The following FER1L6 variants were observed in gnomAD, a reference collection of about 807,000 sequenced individuals.
FER1L6 encodes the protein fer-1-like protein 6.
Under a neutral mutation model 219.2 loss-of-function variants are expected in FER1L6, and 177 were observed. The ratio of observed to expected loss-of-function variants is 0.81; its 90% confidence interval spans 0.71 to 0.91. FER1L6 has a LOEUF of 0.91. Ranked by LOEUF, FER1L6 falls within the 40% of genes least tolerant of loss-of-function variation. The pLI is 0.00. For missense variants in FER1L6, 2,153 were observed against 2,259.9 expected (o/e 0.95, Z 0.96); for synonymous variants, 768 against 824.3 (o/e 0.93, Z 1.17).
At position 124,094,978 on chromosome 8, in the gene FER1L6, G is replaced by T; in HGVS notation, c.4635G>T (p.Leu1545=). 1.2e-6 allele frequency: 2 copies of T among 1,614,076 alleles called. No homozygotes were observed. Among genetic ancestry groups the T allele is most frequent in the Non-Finnish European group, 1.7e-6 (2 of 1,179,978 alleles). ...WEDIPEVGCR[L]VPEHIETRPL... is the part of the protein sequence containing the mutation. ...ATATCCCGGAAGTCGGGTGTAGGCT[G>T]GTTCCTGAACACATAGAAACTCGGC... The change falls in exon 35 of 41, where the codon CTG becomes CTT. Residue 1545 remains leucine, a synonymous_variant. Transcript: ENST00000522917.
chr8:124,011,535 G>A (rs750195452), intron 14 of FER1L6, among the ~76,000 whole-genome samples: 2 of 151,700 alleles, frequency 1.3e-5, no homozygotes, highest in African/African-American at 2.4e-5. Flanking sequence ...ATATTTTGTA[G>A]AGATAGAGTC....
At position 124,097,500 on chromosome 8, in the gene FER1L6, G is replaced by A. The variant is rs919237817; in HGVS notation, c.4784+141G>A. 3.1e-5 allele frequency: 20 copies of A among 642,322 alleles called. No homozygotes were observed. In the African/African-American group the frequency reaches 3.5e-4, roughly 11 times the overall value. 39.8% of individuals were successfully genotyped at this position (642,322 alleles called of 1,614,324 possible). A position where few individuals can be genotyped will look rare whatever the true frequency, so the allele number is the denominator to read the frequency against. ...CCGGCCAGTTTTTCAGGAGCTGGTG[G>A]TGGCCCCTGTCTTAAGGGAGGGGCT... On this transcript the variant is annotated intron_variant, in intron 36 of 40. Coordinates refer to ENST00000522917, the MANE Select transcript of FER1L6 (RefSeq NM_001039112.2).
At chr8:123,948,639 G>A (rs1198582557) in intron 1 of FER1L6, among the ~76,000 whole-genome samples, 1 of 152,012 alleles carries the variant, frequency 6.6e-6, no homozygotes, top group Non-Finnish European at 1.5e-5. Context: ...GTATAAAGAG[G>A]TACAACTGAC....
chr8:123,875,285 A>G (rs1357981429), intron 1 of FER1L6, among the ~76,000 whole-genome samples: 2 of 152,154 alleles, frequency 1.3e-5, no homozygotes, highest in African/African-American at 4.8e-5. Flanking sequence ...TCTTGAATCA[A>G]CTCTGCTGAA....
chr8:123,922,554 G>C (rs921221957), intron 1 of FER1L6, among the ~76,000 whole-genome samples: 12 of 152,122 alleles, frequency 7.9e-5, no homozygotes, highest in Non-Finnish European at 1.6e-4. Flanking sequence ...GTGTGTGCCA[G>C]GGACTCAGAG....
chr8:124,067,035 C>T (rs1166688313), intron 27 of FER1L6, among the ~76,000 whole-genome samples: 1 of 152,096 alleles, frequency 6.6e-6, no homozygotes, highest in African/African-American at 2.4e-5. Flanking sequence ...AAGAGCAGGG[C>T]CTCATGTCCA....
chr8:123,900,969 T>G (rs186577741), intron 1 of FER1L6, among the ~76,000 whole-genome samples: 1 of 152,342 alleles, frequency 6.6e-6, no homozygotes, highest in East Asian at 1.9e-4. Flanking sequence ...TCTTCTCTTT[T>G]GGTTATGTCC....
In FER1L6 at chr8:123,980,457, C is replaced by T. The variant is rs1816272770; in HGVS notation, c.1064-8C>T. The T allele has an allele frequency of 6.4e-7, 1 of 1,573,270 alleles. No individual in the cohort carries two copies. The highest frequency in any genetic ancestry group is 8.6e-7 in the Non-Finnish European group (1 of 1,161,662). ...TAATGAGATAACTAAAACCTGGGGT[C>T]TCTCTAGGCTTTCTGCCCACCTTTG... is the stretch of plus-strand genomic sequence containing the variant. On this transcript the variant is annotated splice_region_variant and splice_polypyrimidine_tract_variant and intron_variant, in intron 10 of 40. Coordinates refer to ENST00000522917, the MANE Select transcript of FER1L6 (RefSeq NM_001039112.2).
Position 124,017,646 on chromosome 8 carries a change from A to G in FER1L6, c.1941A>G (p.Ala647=). The G allele has an allele frequency of 2.5e-6, 4 of 1,613,486 alleles. No homozygotes were observed. The highest frequency in any genetic ancestry group is 3.4e-6 in the Non-Finnish European group (4 of 1,179,482). The change falls in exon 16 of 41, where the codon GCA becomes GCG. Residue 647 remains alanine (A), a synonymous_variant. Transcript: ENST00000522917. ...CTTATAGTGCCTTTATCTCTGAAGCAGAAAAAAAGCCCAAGATGTTGAACC... is the reference window on the plus strand; with the variant it reads ...CTTATAGTGCCTTTATCTCTGAAGCGGAAAAAAAGCCCAAGATGTTGAACC... ...ISRSSAFISE[A]EKKPKMLNQT...
intron 18 of FER1L6, among the ~76,000 whole-genome samples, chr8:124,029,198 G>A (rs1489634827): frequency 6.6e-6 from 1 of 152,190 alleles, no homozygotes; most frequent in African/African-American, 2.4e-5. Context: ...ATTTGGGTTG[G>A]TTCTGTGTCT....
At chr8:124,043,234 T>C (rs1016928929) in intron 20 of FER1L6, among the ~76,000 whole-genome samples, 1 of 152,172 alleles carries the variant, frequency 6.6e-6, no homozygotes, top group Non-Finnish European at 1.5e-5. Context: ...TCTTGGACAA[T>C]GCTCATAACT....
At position 124,119,951 on chromosome 8, in the gene FER1L6, A is replaced by G. The variant is rs1490815998; in HGVS notation, c.*161A>G. The G allele has an allele frequency of 4.3e-6, 3 of 692,888 alleles. No individual in the cohort carries two copies. The highest frequency in any genetic ancestry group is 6.7e-6 in the Non-Finnish European group (3 of 449,252). The allele number at this position is 692,888 out of a possible 1,614,324, so 42.9% of individuals were successfully genotyped here. On this transcript the variant is annotated 3_prime_UTR_variant, in exon 41 of 41. Coordinates refer to ENST00000522917, the MANE Select transcript of FER1L6 (RefSeq NM_001039112.2). ...AAAAGAAACATTTCCTCCCTGCTCC[A>G]ACCCCTGCCTCCAAGTTTCAAACTT...
intron 6 of FER1L6, 44 bp downstream of exon 6, chr8:123,970,141 C>T (rs926572241): frequency 6.4e-7 from 1 of 1,551,500 alleles, no homozygotes; most frequent in Admixed American, 1.7e-5. Flanking sequence ...AGGTGGGAGA[C>T]ATTTTGGGCA....
At chr8:123,894,589 T>C (rs1812716357) in intron 1 of FER1L6, among the ~76,000 whole-genome samples, 1 of 152,196 alleles carries the variant, frequency 6.6e-6, no homozygotes, top group Non-Finnish European at 1.5e-5. Context: ...CATTGTTCAC[T>C]GAGAGGGCCT....
Position 123,980,489 on chromosome 8 carries a change from C to A in FER1L6, c.1088C>A (p.Ala363Asp). 6.2e-7 allele frequency: 1 copy of A among 1,613,580 alleles called. No individual in the cohort carries two copies. The highest frequency in any genetic ancestry group is 2.2e-5 in the East Asian group (1 of 44,870). The change falls in exon 11 of 41, where the codon GCC becomes GAC. Residue 363 changes from alanine to aspartate, a missense_variant. By Grantham distance (126) the Ala-to-Asp change is moderately radical. Coordinates refer to ENST00000522917, the MANE Select transcript of FER1L6 (RefSeq NM_001039112.2). ...DKGFLPTFGP[A>D]WINLYGSPRN... ...GGCTTTCTGCCCACCTTTGGGCCTG[C>A]CTGGATTAACCTGTATGGCTCGCCC...
intron 1 of FER1L6, among the ~76,000 whole-genome samples, chr8:123,857,844 A>G (rs75252381): frequency 0.024 from 3,689 of 152,230 alleles, 141 homozygotes; most frequent in African/African-American, 0.084. Flanking sequence ...TTCTGGACAA[A>G]AAGCAGAAAC....
chr8:124,100,151 C>T (rs1477534853), intron 37 of FER1L6, among the ~76,000 whole-genome samples: 1 of 152,192 alleles, frequency 6.6e-6, no homozygotes, highest in Non-Finnish European at 1.5e-5. Context: ...CCTCCCTGCC[C>T]TGGGAAGGAA....
chr8:123,875,496 G>A (rs1432774904), intron 1 of FER1L6, among the ~76,000 whole-genome samples: 1 of 152,054 alleles, frequency 6.6e-6, no homozygotes, highest in Non-Finnish European at 1.5e-5. Flanking sequence ...TTCTAAATCA[G>A]TATTTATCCT....
chr8:123,897,807 A>G (rs1812771099), intron 1 of FER1L6, among the ~76,000 whole-genome samples: 1 of 152,202 alleles, frequency 6.6e-6, no homozygotes, highest in East Asian at 1.9e-4. Context: ...TTTGTGTTCT[A>G]TTGACAGTAA....
Sources: allele counts gnomAD v4.1 joint callset (sites outside exome capture counted in the v4.1 genomes callset), GRCh38; gene constraint gnomAD v4.1.1; transcripts MANE v1.5; gene names NCBI Gene and HGNC (gene_info 2026-07-23, HGNC 2026-07-21).